ABCC9: variants seen among roughly 807,000 people sequenced by gnomAD.
ABCC9 encodes ATP binding cassette subfamily C member 9, also known as ATP-binding cassette sub-family C member 9.
A neutral mutation model predicts 188.3 loss-of-function variants in ABCC9; 95 were observed. The observed-to-expected ratio is 0.50, with a 90% CI of 0.43 to 0.60. ABCC9 has a LOEUF of 0.60. ABCC9 is among the 20% of genes least tolerant of loss of function. The pLI, the probability that ABCC9 is intolerant of heterozygous loss-of-function variation, is 0.00. For missense variants in ABCC9, 1,102 were observed against 1,876.3 expected (o/e 0.59, Z 7.62); for synonymous variants, 659 against 652.7 (o/e 1.01, Z -0.15).
intron 29 of ABCC9, 105 bp from the exon 30 acceptor site, chr12:21,838,275 T>A: frequency 1.1e-6 from 1 of 919,898 alleles, no homozygotes; most frequent in Non-Finnish European, 1.7e-6. Context: ...TTTGTTTTCC[T>A]CATTGAAATT....
intron 12 of ABCC9, 46 bp downstream of exon 12, chr12:21,906,080 C>T (rs766811900): frequency 1.1e-5 from 18 of 1,576,316 alleles, no homozygotes; most frequent in Non-Finnish European, 1.6e-5. Context: ...GTTGGTTATT[C>T]TGGTTGCCCT....
intron 19 of ABCC9, 91 bp downstream of exon 19, chr12:21,864,348 A>G: frequency 2.0e-6 from 2 of 981,042 alleles, no homozygotes; most frequent in East Asian, 2.4e-5. Flanking sequence ...ATAACTATAC[A>G]TTATCAGAGT....
At chr12:21,805,423 T>C (rs749410654) in intron 39 of ABCC9, 18 of 1,026,940 alleles carry the variant, frequency 1.8e-5, no homozygotes, top group Non-Finnish European at 2.6e-5. Flanking sequence ...AAGAATCCAC[T>C]TGCAAAGAGG....
At chr12:21,904,401 T>G (rs554515722) in intron 12 of ABCC9, among the ~76,000 whole-genome samples, 1 of 152,186 alleles carries the variant, frequency 6.6e-6, no homozygotes, top group African/African-American at 2.4e-5. Flanking sequence ...CCAAAAGCAA[T>G]GGCAACAAAA....
chr12:21,889,361 A>G (rs1947034605), intron 14 of ABCC9, among the ~76,000 whole-genome samples: 1 of 152,180 alleles, frequency 6.6e-6, no homozygotes, highest in Non-Finnish European at 1.5e-5. Flanking sequence ...TTCCTCTTAA[A>G]TGGCAGTTAT....
Position 21,912,998 on chromosome 12 carries a change from T to C in ABCC9, c.885A>G (p.Arg295=), listed in dbSNP as rs368276490. The stretch of plus-strand genomic sequence containing the variant: ...GGAATGTGCTACTAAGTAGAATTGG[T>C]CGCCCAAAAGCTCTGTACATTGCAA... ...IWLAMYRAFG[R]PILLSSTFRY... is the part of the protein sequence containing the mutation. The change falls in exon 8 of 40, where the codon CGA becomes CGG. Residue 295 remains arginine, a synonymous_variant. Coordinates refer to ENST00000261200, the MANE Select transcript of ABCC9 (RefSeq NM_020297.4). 1.2e-6 allele frequency: 2 copies of C among 1,612,956 alleles called. No individual in the cohort carries two copies. Among genetic ancestry groups the C allele is most frequent in the Non-Finnish European group, 1.7e-6 (2 of 1,179,604 alleles).
chr12:21,807,495 A>C lies in ABCC9; in HGVS notation c.4316-16T>G. 6.2e-7 allele frequency: 1 copy of C among 1,613,684 alleles called. No individual in the cohort carries two copies. The highest frequency in any genetic ancestry group is 8.5e-7 in the Non-Finnish European group (1 of 1,179,666). ...ACAACCGCATCTAAATCAGAGAAAG[A>C]AGCAAGGATTTCACTAAAGAAATGC... On this transcript the variant is annotated splice_polypyrimidine_tract_variant and intron_variant, in intron 37 of 39. Coordinates refer to ENST00000261200, the MANE Select transcript of ABCC9 (RefSeq NM_020297.4).
chr12:21,822,683 C>T (rs573160247), intron 31 of ABCC9, among the ~76,000 whole-genome samples: 26 of 150,054 alleles, frequency 1.7e-4, no homozygotes, highest in Admixed American at 1.6e-3. Context: ...CCCAGCTATT[C>T]GGGAGGCTGA....
chr12:21,867,345 T>TCA (rs1565758580), intron 18 of ABCC9, among the ~76,000 whole-genome samples: 14 of 152,146 alleles, frequency 9.2e-5, no homozygotes. Flanking sequence ...TGTGGTACTC[T>TCA]ACAGCACTCA....
At chr12:21,894,286 A>AT in intron 13 of ABCC9, 112 bp from the exon 14 acceptor site, 8 of 1,223,344 alleles carry the variant, frequency 6.5e-6, no homozygotes, top group Non-Finnish European at 9.5e-6. Context: ...CATTGTAACT[A>AT]TGATAACAAT....
At chr12:21,938,269 AAT>A (rs1184066222) in intron 2 of ABCC9, among the ~76,000 whole-genome samples, 2 of 152,170 alleles carry the variant, frequency 1.3e-5, no homozygotes, top group East Asian at 3.8e-4. Flanking sequence ...TTTTATAATA[AAT>A]AGTTGATATG....
At chr12:21,849,178 C>T (rs1006215681) in intron 24 of ABCC9, among the ~76,000 whole-genome samples, 1 of 150,198 alleles carries the variant, frequency 6.7e-6, no homozygotes, top group Non-Finnish European at 1.5e-5. Context: ...TATGCCAATA[C>T]AAAGAAAAAA....
rs767155863 is a variant in ABCC9, at chr12:21,916,925, T to C, written c.573+12A>G. 6.3e-7 allele frequency: 1 copy of C among 1,587,314 alleles called. No individual in the cohort carries two copies. Among genetic ancestry groups the C allele is most frequent in the African/African-American group, 1.4e-5 (1 of 73,776 alleles). On this transcript the variant is annotated intron_variant, in intron 6 of 39. Coordinates refer to ENST00000261200, the MANE Select transcript of ABCC9 (RefSeq NM_020297.4). ...AATCCAAGTAACTAAACAAAAGCCATTAGCTACCTACCCTGACTCGAATGA... is the reference window on the plus strand; with the variant it reads ...AATCCAAGTAACTAAACAAAAGCCACTAGCTACCTACCCTGACTCGAATGA...
At chr12:21,820,990 T>C (rs146121556) in intron 31 of ABCC9, among the ~76,000 whole-genome samples, 657 of 152,294 alleles carry the variant, frequency 4.3e-3, no homozygotes, top group African/African-American at 0.015. Flanking sequence ...TCTCCAGCAA[T>C]AGGAATAATG....
chr12:21,890,221 A>AT (rs1439114197), intron 14 of ABCC9, among the ~76,000 whole-genome samples: 1 of 152,090 alleles, frequency 6.6e-6, no homozygotes, highest in African/African-American at 2.4e-5. Flanking sequence ...CCAGGTTTAT[A>AT]TTTTTAAAAT....
At chr12:21,802,690 A>G (rs1311893824) in intron 39 of ABCC9, among the ~76,000 whole-genome samples, 4 of 152,160 alleles carry the variant, frequency 2.6e-5, no homozygotes, top group Admixed American at 6.5e-5. Context: ...ATGCAGGTCA[A>G]AATATTAGTG....
At chr12:21,925,329 G>T (rs2137993743) in intron 5 of ABCC9, 2 of 539,006 alleles carry the variant, frequency 3.7e-6, no homozygotes, top group South Asian at 2.9e-5. Context: ...GATTTCCACA[G>T]AACAAGGAAG....
At chr12:21,808,344 G>A (rs1318794815) in intron 37 of ABCC9, among the ~76,000 whole-genome samples, 1 of 152,084 alleles carries the variant, frequency 6.6e-6, no homozygotes, top group African/African-American at 2.4e-5. Context: ...TCTTTACTAA[G>A]ATGATGAGCA....
At position 21,813,842 on chromosome 12, in the gene ABCC9, A is replaced by C. The variant is rs183206676; in HGVS notation, c.4102+802T>G. The stretch of plus-strand genomic sequence containing the variant: ...CAGAGCTGTTGTGTAGATTAAATTC[A>C]ATAATATAAACTGTCAAGTACAATA... On this transcript the variant is annotated intron_variant, in intron 35 of 39. Transcript: ENST00000261200. 2.2e-3 allele frequency among the ~76,000 whole-genome samples: 338 copies of C among 152,042 alleles called. 1 individual carries two copies. The highest frequency in any genetic ancestry group is 7.8e-3 in the African/African-American group (323 of 41,498).
Sources: gnomAD v4.1 joint callset for allele counts (sites outside exome capture counted in the v4.1 genomes callset) on GRCh38, gnomAD v4.1.1 for gene constraint, MANE v1.5 for transcripts, NCBI Gene and HGNC (gene_info 2026-07-23, HGNC 2026-07-21) for gene names.